NCKAP5: variants seen among roughly 807,000 people sequenced by gnomAD.
The protein encoded by NCKAP5 is NCK associated protein 5.
In NCKAP5, 92 loss-of-function variants were observed where a neutral mutation model predicts 167.0. That is an observed-to-expected ratio of 0.55 (90% CI 0.47 to 0.66). The LOEUF is 0.66. NCKAP5 is among the 30% of genes least tolerant of loss of function. The probability of loss-of-function intolerance (pLI) is 0.00; values close to 1 mark genes in which losing one functional copy is unlikely to be tolerated. For synonymous variants in NCKAP5, 891 were observed against 877.4 expected (o/e 1.02, Z -0.27); for missense variants, 2,378 against 2,315.0 (o/e 1.03, Z -0.56).
At chr2:133,342,162 A>C (rs1012391080) in intron 3 of NCKAP5, among the ~76,000 whole-genome samples, 5 of 152,164 alleles carry the variant, frequency 3.3e-5, no homozygotes, top group African/African-American at 1.2e-4. Flanking sequence ...GATGGTCTCG[A>C]TCTCCTGACC....
intron 3 of NCKAP5, among the ~76,000 whole-genome samples, chr2:133,512,748 C>A (rs1218297035): frequency 6.6e-6 from 1 of 152,142 alleles, no homozygotes; most frequent in Non-Finnish European, 1.5e-5. Flanking sequence ...TGAATTGGCA[C>A]CAAAGGATGC....
chr2:133,001,964 A>T (rs1466541901), intron 6 of NCKAP5, among the ~76,000 whole-genome samples: 1 of 152,242 alleles, frequency 6.6e-6, no homozygotes, highest in African/African-American at 2.4e-5. Flanking sequence ...AGGTATTAAA[A>T]GTAATCTTGA....
intron 19 of NCKAP5, among the ~76,000 whole-genome samples, chr2:132,687,757 C>A (rs983279709): frequency 5.3e-4 from 58 of 109,272 alleles, no homozygotes; most frequent in Admixed American, 2.2e-3. Context: ...ACACACACAC[C>A]CTTCCTCTGA....
chr2:133,334,793 T>C (rs1247851485), intron 3 of NCKAP5, among the ~76,000 whole-genome samples: 2 of 152,090 alleles, frequency 1.3e-5, no homozygotes, highest in Admixed American at 1.3e-4. Context: ...ATTAGCAAAA[T>C]TCCTGAATTA....
intron 8 of NCKAP5, among the ~76,000 whole-genome samples, chr2:132,927,622 G>A (rs934132398): frequency 6.6e-6 from 1 of 151,814 alleles, no homozygotes; most frequent in Non-Finnish European, 1.5e-5. Context: ...TGTTTGTTTT[G>A]TTTTTTTGCA....
At chr2:133,490,413 T>G (rs940884440) in intron 3 of NCKAP5, among the ~76,000 whole-genome samples, 1 of 152,188 alleles carries the variant, frequency 6.6e-6, no homozygotes, top group Non-Finnish European at 1.5e-5. Context: ...GATTTCTTAC[T>G]TCTACTGACG....
intron 2 of NCKAP5, among the ~76,000 whole-genome samples, chr2:133,543,824 T>C (rs1272529405): frequency 6.6e-6 from 1 of 152,252 alleles, no homozygotes; most frequent in Non-Finnish European, 1.5e-5. Context: ...CCTTCTGGGG[T>C]ACTTCATTCA....
intron 2 of NCKAP5, among the ~76,000 whole-genome samples, chr2:133,550,225 G>A (rs1332610080): frequency 1.3e-4 from 19 of 142,636 alleles, no homozygotes; most frequent in African/African-American, 4.4e-4. Flanking sequence ...GAAAAAGAGG[G>A]AATCCTCCCT....
intron 11 of NCKAP5, among the ~76,000 whole-genome samples, chr2:132,808,843 C>A (rs1369988775): frequency 6.6e-6 from 1 of 151,860 alleles, no homozygotes; most frequent in African/African-American, 2.4e-5. Context: ...TCTCTAGTTC[C>A]TTGAGGTGTG....
intron 9 of NCKAP5, among the ~76,000 whole-genome samples, chr2:132,874,196 C>T (rs1435619106): frequency 6.6e-6 from 1 of 150,416 alleles, no homozygotes; most frequent in African/African-American, 2.5e-5. Flanking sequence ...GCGACCTTCA[C>T]CTCCCGAGTT....
chr2:132,774,339 T>G (rs971355394), intron 15 of NCKAP5, among the ~76,000 whole-genome samples: 2 of 152,232 alleles, frequency 1.3e-5, no homozygotes, highest in African/African-American at 4.8e-5. Context: ...ATATATACTT[T>G]AAATATACTT....
chr2:133,152,752 T>C (rs1165555337), intron 5 of NCKAP5, among the ~76,000 whole-genome samples: 1 of 152,212 alleles, frequency 6.6e-6, no homozygotes, highest in Admixed American at 6.5e-5. Flanking sequence ...GGTCAATGAC[T>C]GACCCCATAT....
At chr2:133,149,627 C>A (rs1574189903) in intron 5 of NCKAP5, among the ~76,000 whole-genome samples, 2 of 152,146 alleles carry the variant, frequency 1.3e-5, no homozygotes, top group African/African-American at 2.4e-5. Context: ...TATCTCCCTG[C>A]TGAAATGGTG....
intron 3 of NCKAP5, among the ~76,000 whole-genome samples, chr2:133,390,472 G>A (rs1228994898): frequency 6.6e-6 from 1 of 152,144 alleles, no homozygotes; most frequent in Non-Finnish European, 1.5e-5. Flanking sequence ...CAGCTCCTCA[G>A]ATCTAATGCT....
intron 9 of NCKAP5, among the ~76,000 whole-genome samples, chr2:132,875,822 A>T (rs1691220489): frequency 6.6e-6 from 1 of 152,196 alleles, no homozygotes; most frequent in African/African-American, 2.4e-5. Flanking sequence ...AGGGAGCAGT[A>T]GCGGTGAGGA....
intron 3 of NCKAP5, among the ~76,000 whole-genome samples, chr2:133,337,638 C>G (rs533776013): frequency 5.9e-5 from 9 of 152,214 alleles, no homozygotes; most frequent in African/African-American, 2.2e-4. Flanking sequence ...CAAGTGGATG[C>G]ACAGAAAGAT....
At chr2:133,561,304 A>G (rs1688139710) in intron 1 of NCKAP5, among the ~76,000 whole-genome samples, 2 of 152,176 alleles carry the variant, frequency 1.3e-5, no homozygotes, top group Admixed American at 1.3e-4. Flanking sequence ...CATTATTTTA[A>G]GTGAACTGTT....
intron 2 of NCKAP5, among the ~76,000 whole-genome samples, chr2:133,551,829 T>A (rs1687332029): frequency 1.6e-5 from 2 of 127,318 alleles, no homozygotes; most frequent in Non-Finnish European, 3.3e-5. Context: ...GGGAGAAAAT[T>A]TTTGCAACCT....
chr2:133,371,752 A>G (rs931653929), intron 3 of NCKAP5, among the ~76,000 whole-genome samples: 2 of 151,848 alleles, frequency 1.3e-5, no homozygotes, highest in Non-Finnish European at 2.9e-5. Flanking sequence ...TCCCTCCTCA[A>G]TTTTTTTCCT....
Sources: allele counts gnomAD v4.1 joint callset (sites outside exome capture counted in the v4.1 genomes callset), GRCh38; gene constraint gnomAD v4.1.1; transcripts MANE v1.5; gene names NCBI Gene and HGNC (gene_info 2026-07-23, HGNC 2026-07-21).